TFEC: variants seen among roughly 807,000 people sequenced by gnomAD.
The protein encoded by TFEC is transcription factor EC, also known as class E basic helix-loop-helix protein 34.
TFEC carries 31 observed loss-of-function variants against 41.6 expected under a neutral mutation model. That is an observed-to-expected ratio of 0.74 (90% CI 0.56 to 1.01). The LOEUF is 1.01. Ranked by LOEUF, TFEC falls within the 50% of genes least tolerant of loss-of-function variation. The probability of loss-of-function intolerance (pLI) is 0.00; values close to 1 mark genes in which losing one functional copy is unlikely to be tolerated. For missense variants in TFEC, 402 were observed against 404.1 expected (o/e 0.99, Z 0.04); for synonymous variants, 143 against 140.6 (o/e 1.02, Z -0.12).
intron 3 of TFEC, among the ~76,000 whole-genome samples, chr7:116,099,073 C>G (rs1269485033): frequency 6.6e-6 from 1 of 152,110 alleles, no homozygotes; most frequent in Non-Finnish European, 1.5e-5. Flanking sequence ...TTAAATTGGA[C>G]TTTATCAAAA....
intron 1 of TFEC, among the ~76,000 whole-genome samples, chr7:116,143,354 C>A (rs1798579095): frequency 1.3e-5 from 2 of 152,102 alleles, no homozygotes; most frequent in African/African-American, 4.8e-5. Context: ...CTTTTTGATA[C>A]AGAAGACCAG....
At chr7:115,944,514 T>G (rs4395818) in intron 6 of TFEC, among the ~76,000 whole-genome samples, 55,717 of 151,392 alleles carry the variant, frequency 0.37, 11,345 homozygotes, top group South Asian at 0.47. Context: ...GACCTCACCA[T>G]TTTGACCTGC....
chr7:115,953,084 T>C (rs547159712), intron 5 of TFEC, among the ~76,000 whole-genome samples: 48 of 152,014 alleles, frequency 3.2e-4, no homozygotes, highest in African/African-American at 1.1e-3. Flanking sequence ...TGCAGGGCTG[T>C]ATATGGAGCT....
chr7:116,063,365 C>G (rs1382502410), intron 3 of TFEC, among the ~76,000 whole-genome samples: 1 of 152,102 alleles, frequency 6.6e-6, no homozygotes, highest in African/African-American at 2.4e-5. Flanking sequence ...GCCTGTAATC[C>G]CAGCACTTTG....
chr7:115,965,486 T>G (rs1792799199), intron 3 of TFEC, among the ~76,000 whole-genome samples: 1 of 151,722 alleles, frequency 6.6e-6, no homozygotes, highest in African/African-American at 2.4e-5. Flanking sequence ...TCGTGTGCAT[T>G]TGTCTCACAT....
chr7:115,956,566 T>C, intron 4 of TFEC, 113 bp downstream of exon 4: 1 of 570,226 alleles, frequency 1.8e-6, no homozygotes. Context: ...TCTGCCTTCT[T>C]TTTTGTAACT....
At chr7:116,113,061 G>A (rs1328116997) in intron 1 of TFEC, among the ~76,000 whole-genome samples, 1 of 151,992 alleles carries the variant, frequency 6.6e-6, no homozygotes, top group African/African-American at 2.4e-5. Flanking sequence ...AGAGAGTATT[G>A]CATGAAGACA....
chr7:116,153,814 T>C (rs930267473), intron 1 of TFEC, among the ~76,000 whole-genome samples: 69 of 152,048 alleles, frequency 4.5e-4, no homozygotes, highest in Admixed American at 4.5e-3. Flanking sequence ...GCAACAGAAA[T>C]TGTTGGACAA....
At chr7:116,047,214 CG>C (rs1353153279) in intron 3 of TFEC, among the ~76,000 whole-genome samples, 1 of 152,068 alleles carries the variant, frequency 6.6e-6, no homozygotes, top group Non-Finnish European at 1.5e-5. Flanking sequence ...TCACCTCACC[CG>C]GGAAGTGCAA....
intron 3 of TFEC, among the ~76,000 whole-genome samples, chr7:116,048,392 T>C (rs534900079): frequency 2.6e-5 from 4 of 152,248 alleles, no homozygotes; most frequent in African/African-American, 7.2e-5. Context: ...TGATTGAAGA[T>C]CAAATGAATG....
intron 1 of TFEC, among the ~76,000 whole-genome samples, chr7:116,144,482 T>A (rs1414289910): frequency 3.9e-5 from 6 of 152,130 alleles, no homozygotes; most frequent in Non-Finnish European, 8.8e-5. Context: ...TAGATTTTGG[T>A]ATGGAGGTAT....
intron 2 of TFEC, among the ~76,000 whole-genome samples, chr7:116,111,277 G>A (rs549910510): frequency 1.3e-5 from 2 of 152,090 alleles, no homozygotes; most frequent in East Asian, 3.9e-4. Context: ...AAAGGTGACT[G>A]CTGGGTTAAT....
Position 115,940,262 on chromosome 7 carries a change from T to A in TFEC, c.*289A>T, listed in dbSNP as rs1486920815. 4.0e-6 allele frequency: 1 copy of A among 251,460 alleles called. No homozygotes were observed. The highest frequency in any genetic ancestry group is 2.3e-5 in the African/African-American group (1 of 44,332). The allele number at this position is 251,460 out of a possible 1,614,324, so 15.6% of individuals were successfully genotyped here. On this transcript the variant is annotated 3_prime_UTR_variant, in exon 8 of 8. Transcript: ENST00000265440. ...CCACCAAGTTGCTGCTTTTAAAACATCAATAAAGAGCTATTTCTTATGCTG... is the reference window on the plus strand; with the variant it reads ...CCACCAAGTTGCTGCTTTTAAAACAACAATAAAGAGCTATTTCTTATGCTG...
At position 115,971,150 on chromosome 7, in the gene TFEC, G is replaced by A. The variant is rs1024327401; in HGVS notation, c.267+3020C>T. The stretch of plus-strand genomic sequence containing the variant: ...CTCTTAGTCTGGGCAATTTGTTGTG[G>A]AGGGCTGTTCAAGCCACAGCTCTAG... On this transcript the variant is annotated intron_variant, in intron 3 of 7. Transcript: ENST00000265440. Among the ~76,000 whole-genome samples the A allele has an allele frequency of 2.6e-5, 4 of 152,098 alleles. No individual in the cohort carries two copies. In the South Asian group the frequency reaches 6.2e-4, roughly 24 times the overall value.
intron 1 of TFEC, among the ~76,000 whole-genome samples, chr7:116,024,541 CAAAAA>C (rs1795516418): frequency 6.6e-6 from 1 of 152,032 alleles, no homozygotes; most frequent in South Asian, 2.1e-4. Flanking sequence ...TCTTGTCAGA[CAAAAA>C]TTAGATGATA....
intron 1 of TFEC, among the ~76,000 whole-genome samples, chr7:116,006,436 T>C (rs962272267): frequency 6.6e-6 from 1 of 152,204 alleles, no homozygotes; most frequent in African/African-American, 2.4e-5. Flanking sequence ...TTTGGAAATT[T>C]AAGATTTGAC....
chr7:115,967,175 C>T (rs570177857), intron 3 of TFEC, among the ~76,000 whole-genome samples: 1 of 151,258 alleles, frequency 6.6e-6, no homozygotes, highest in African/African-American at 2.4e-5. Context: ...TATTATATTT[C>T]CAGATAATTT....
In TFEC at chr7:115,939,630, G is replaced by T. The variant is rs1262796650; in HGVS notation, c.*921C>A. ...AGTACCTGAAAACTGTCCTTGCAGGGGGACATTTTATATTTTATTTACTAA... is the reference window on the plus strand; with the variant it reads ...AGTACCTGAAAACTGTCCTTGCAGGTGGACATTTTATATTTTATTTACTAA... On this transcript the variant is annotated 3_prime_UTR_variant, in exon 8 of 8. Coordinates refer to ENST00000265440, the MANE Select transcript of TFEC (RefSeq NM_012252.4). The T allele has an allele frequency of 6.6e-6, 1 of 151,864 alleles. No individual in the cohort carries two copies. Among genetic ancestry groups the T allele is most frequent in the Non-Finnish European group, 1.5e-5 (1 of 67,928 alleles). The allele number at this position is 151,864 out of a possible 1,614,324, so 9.4% of individuals were successfully genotyped here. A position where few individuals can be genotyped will look rare whatever the true frequency, so the allele number is the denominator to read the frequency against.
chr7:116,077,070 C>G (rs1796976332), intron 3 of TFEC, among the ~76,000 whole-genome samples: 1 of 152,108 alleles, frequency 6.6e-6, no homozygotes, highest in African/African-American at 2.4e-5. Context: ...AGATTAACAG[C>G]AGATTTCTCA....
Sources: gnomAD v4.1 joint callset for allele counts (sites outside exome capture counted in the v4.1 genomes callset) on GRCh38, gnomAD v4.1.1 for gene constraint, MANE v1.5 for transcripts, NCBI Gene and HGNC (gene_info 2026-07-23, HGNC 2026-07-21) for gene names.